The following GPT variants were observed in gnomAD, a reference collection of about 807,000 sequenced individuals.
The protein encoded by GPT is glutamic--pyruvic transaminase.
GPT carries 60 observed loss-of-function variants against 51.4 expected under a neutral mutation model. The observed-to-expected ratio is 1.17, with a 90% CI of 0.95 to 1.45. The LOEUF is 1.45. Among genes scored for constraint, GPT ranks in the 40% most tolerant of loss-of-function variants. GPT has a pLI of 0.00. For missense variants in GPT, 853 were observed against 704.0 expected (o/e 1.21, Z -2.40); for synonymous variants, 397 against 303.1 (o/e 1.31, Z -3.22).
Position 144,507,081 on chromosome 8 carries a change from G to C in GPT, c.*81G>C. 2.0e-6 allele frequency: 1 copy of C among 489,062 alleles called. No homozygotes were observed. The highest frequency in any genetic ancestry group is 3.9e-6 in the Non-Finnish European group (1 of 253,738). The allele number at this position is 489,062 out of a possible 1,614,324, so 30.3% of individuals were successfully genotyped here. ...GGAGGCTCTGGAGCCCACTGTACTT[G>C]CTCTTGATGCCTGGCGGGGTGGGGT... On this transcript the variant is annotated 3_prime_UTR_variant, in exon 11 of 11. Transcript: ENST00000394955.
At position 144,506,444 on chromosome 8, in the gene GPT, CAG is replaced by C. The variant is rs954142136; in HGVS notation, c.1131+39_1131+40del. 6.4e-6 allele frequency: 10 copies of C among 1,568,628 alleles called. No homozygotes were observed. In the African/African-American group the frequency reaches 9.4e-5, roughly 15 times the overall value. On this transcript the variant is annotated intron_variant, in intron 8 of 10. Coordinates refer to ENST00000394955, the MANE Select transcript of GPT (RefSeq NM_005309.3). This position sits in a 1 kb window ranked among gnomAD's most constrained non-coding sequence, Gnocchi z 7.0. Reference sequence around the variant, plus strand: ...CAGGAGGGGGTCCAGGTGACCTAATCAGGGGTGGGGGATGCCGAGTGCCGTGC... The same window carrying C: ...CAGGAGGGGGTCCAGGTGACCTAATCGGGTGGGGGATGCCGAGTGCCGTGC...
chr8:144,503,368 G>A (rs547296072), upstream of GPT, among the ~76,000 whole-genome samples: 3 of 152,258 alleles, frequency 2.0e-5, no homozygotes, highest in East Asian at 5.8e-4. Flanking sequence ...ATCCCAGCTC[G>A]TTTCCTACTC....
In GPT at chr8:144,505,384, C is replaced by G. The variant is rs781196445; in HGVS notation, c.634C>G (p.Arg212Gly). The G allele has an allele frequency of 3.1e-6, 5 of 1,592,524 alleles. No homozygotes were observed. The highest frequency in any genetic ancestry group is 3.4e-6 in the Non-Finnish European group (4 of 1,170,846). ...VQVDYYLDEE[R>G]AWALDVAELH... ...GGTGGATTACTACCTGGACGAGGAG[C>G]GTGCCTGGGCGCTGGACGTGGCCGA... The change falls in exon 5 of 11, where the codon CGT becomes GGT. Residue 212 changes from arginine to glycine, a missense_variant. By Grantham distance (125) the Arg-to-Gly change is moderately radical. Transcript: ENST00000394955.
In GPT at chr8:144,506,929, T is replaced by C. The variant is rs1166262258; in HGVS notation, c.1420T>C (p.Leu474=). 2 of 1,612,790 alleles carry C rather than the reference T, an allele frequency of 1.2e-6. No homozygotes were observed. Among genetic ancestry groups the C allele is most frequent in the Non-Finnish European group, 1.7e-6 (2 of 1,179,942 alleles). Residue 474 remains leucine (L), a synonymous_variant, in exon 11 of 11, where the codon TTG becomes CTG. Transcript: ENST00000394955. The surrounding 1 kb of genome is among the most constrained non-coding windows in gnomAD (Gnocchi z 7.0). The part of the protein sequence containing the change: ...YHFRMTILPP[L]EKLRLLLEKL... The stretch of plus-strand genomic sequence containing the variant: ...TTTCAGGATGACCATTCTGCCCCCC[T>C]TGGAGAAACTGCGGCTGCTGCTGGA...
upstream of GPT, chr8:144,503,753 G>A (rs140630174): frequency 3.8e-3 from 595 of 157,816 alleles, 2 homozygotes; most frequent in African/African-American, 0.013. Context: ...CGGGTGCCAC[G>A]AGGGCCAGGC....
At chr8:144,505,776 A>G (rs1440320794) in intron 5 of GPT, 72 bp from the exon 6 acceptor site, 2 of 1,296,590 alleles carry the variant, frequency 1.5e-6, no homozygotes, top group African/African-American at 3.1e-5. Flanking sequence ...GGTCCGCTGG[A>G]CCCCGGCTGC....
Position 144,506,915 on chromosome 8 carries a change from C to T in GPT, c.1406C>T (p.Thr469Ile). 6.2e-7 allele frequency: 1 copy of T among 1,612,832 alleles called. No homozygotes were observed. The highest frequency in any genetic ancestry group is 8.5e-7 in the Non-Finnish European group (1 of 1,179,840). ...TCACTGTCAACTCCTTTCAGGATGA[C>T]CATTCTGCCCCCCTTGGAGAAACTG... ...QREGTYHFRMTILPPLEKLRL... is the reference protein window; with the variant it reads ...QREGTYHFRMIILPPLEKLRL... Residue 469 changes from threonine (T) to isoleucine (I), a missense_variant, in exon 11 of 11, where the codon ACC (threonine) becomes ATC (isoleucine). By Grantham distance (89) the Thr-to-Ile change is moderately conservative. Transcript: ENST00000394955. The surrounding 1 kb of genome is among the most constrained non-coding windows in gnomAD (Gnocchi z 7.0).
At position 144,507,024 on chromosome 8, in the gene GPT, G is replaced by T. The variant is rs1012488287; in HGVS notation, c.*24G>T. The T allele has an allele frequency of 1.9e-6, 3 of 1,570,458 alleles. No individual in the cohort carries two copies. Among genetic ancestry groups the T allele is most frequent in the African/African-American group, 2.7e-5 (2 of 73,876 alleles). ...GAGCACCCCAGCTGGGGCCAGGCTG[G>T]GTCGCCCTGGACTGTGTGCTCAGGA... On this transcript the variant is annotated 3_prime_UTR_variant, in exon 11 of 11. Coordinates refer to ENST00000394955, the MANE Select transcript of GPT (RefSeq NM_005309.3).
chr8:144,506,944 C>A lies in GPT; in HGVS notation c.1435C>A (p.Leu479Met). 6.2e-7 allele frequency: 1 copy of A among 1,612,862 alleles called. No individual in the cohort carries two copies. Among genetic ancestry groups the A allele is most frequent in the Non-Finnish European group, 8.5e-7 (1 of 1,179,930 alleles). ...TILPPLEKLR[L>M]LLEKLSRFHA... Reference sequence around the variant, plus strand: ...TCTGCCCCCCTTGGAGAAACTGCGGCTGCTGCTGGAGAAGCTGAGCAGGTT... The same window carrying A: ...TCTGCCCCCCTTGGAGAAACTGCGGATGCTGCTGGAGAAGCTGAGCAGGTT... Residue 479 changes from leucine (L) to methionine (M), a missense_variant, in exon 11 of 11, where the codon CTG (leucine) becomes ATG (methionine). Physicochemically the swap from Leu to Met is conservative, Grantham distance 15 (BLOSUM62 2). Coordinates refer to ENST00000394955, the MANE Select transcript of GPT (RefSeq NM_005309.3). The surrounding 1 kb of genome is among the most constrained non-coding windows in gnomAD (Gnocchi z 7.0).
rs1564779231 is a variant in GPT, at chr8:144,506,762, G to T, written c.1319G>T (p.Cys440Phe). The T allele has an allele frequency of 6.2e-7, 1 of 1,612,278 alleles. No individual in the cohort carries two copies. Among genetic ancestry groups the T allele is most frequent in the East Asian group, 2.2e-5 (1 of 44,870 alleles). The stretch of plus-strand genomic sequence containing the variant: ...GGCCTGGCCCCCGATATGTTCTTCT[G>T]CCTGCGCCTCCTGGAGGAGACCGGC... ...ELGLAPDMFFCLRLLEETGIC... is the reference protein window; with the variant it reads ...ELGLAPDMFFFLRLLEETGIC... Residue 440 changes from cysteine to phenylalanine, a missense_variant, in exon 10 of 11, where the codon TGC becomes TTC. Physicochemically the swap from Cys to Phe is radical, Grantham distance 205 (BLOSUM62 -2). Transcript: ENST00000394955. This position sits in a 1 kb window ranked among gnomAD's most constrained non-coding sequence, Gnocchi z 7.0.
upstream of GPT, chr8:144,503,744 G>C (rs568801245): frequency 6.4e-6 from 1 of 157,270 alleles, no homozygotes; most frequent in Non-Finnish European, 1.4e-5. Context: ...GCAAAGATGC[G>C]GGTGCCACGA....
At position 144,507,029 on chromosome 8, in the gene GPT, C is replaced by CCCTGGACTGTG. The variant is rs1826848647; in HGVS notation, c.*30_*40dup. On this transcript the variant is annotated 3_prime_UTR_variant, in exon 11 of 11. Coordinates refer to ENST00000394955, the MANE Select transcript of GPT (RefSeq NM_005309.3). ...CCCCAGCTGGGGCCAGGCTGGGTCG[C>CCCTGGACTGTG]CCTGGACTGTGTGCTCAGGAGCCCT... is the stretch of plus-strand genomic sequence containing the variant. 2 of 1,538,100 alleles carry CCCTGGACTGTG rather than the reference C, an allele frequency of 1.3e-6. No homozygotes were observed. Among genetic ancestry groups the CCCTGGACTGTG allele is most frequent in the African/African-American group, 2.7e-5 (2 of 72,870 alleles).
Position 144,505,923 on chromosome 8 carries a change from A to T in GPT, c.815A>T (p.Asp272Val). The change falls in exon 6 of 11, where the codon GAC becomes GTC. Residue 272 changes from aspartate (D) to valine (V), a missense_variant. Transcript: ENST00000394955. The part of the protein sequence containing the change: ...AFEERLFLLA[D>V]EVYQDNVYAA... ...GAAGAGCGGCTCTTTCTGCTGGCGG[A>T]CGAGGTGCGCGGCGCGGGGGAGCGG... is the stretch of plus-strand genomic sequence containing the variant. The T allele has an allele frequency of 6.2e-7, 1 of 1,608,172 alleles. No homozygotes were observed. The highest frequency in any genetic ancestry group is 8.5e-7 in the Non-Finnish European group (1 of 1,178,104).
chr8:144,503,532 TCCAGCCCCCTCCC>T (rs956552943), upstream of GPT, among the ~76,000 whole-genome samples: 1 of 151,994 alleles, frequency 6.6e-6, no homozygotes, highest in Non-Finnish European at 1.5e-5. Flanking sequence ...ACTGCCTGGC[TCCAGCCCCCTCCC>T]CCAGCCCCTC....
Position 144,504,761 on chromosome 8 carries a change from G to A in GPT, c.253-10G>A, listed in dbSNP as rs370352430. On this transcript the variant is annotated splice_polypyrimidine_tract_variant and intron_variant, in intron 2 of 10. Transcript: ENST00000394955. ...CCATGTGCCCTGGCCTCAGCACTCC[G>A]TCTTCCCAGGTCTTGGCCCTCTGTG... The A allele has an allele frequency of 2.5e-5, 39 of 1,580,734 alleles. No homozygotes were observed. Among genetic ancestry groups the A allele is most frequent in the South Asian group, 9.9e-5 (9 of 90,524 alleles).
intron 1 of GPT, 46 bp from the exon 2 acceptor site, chr8:144,504,558 G>T: frequency 6.2e-7 from 1 of 1,608,960 alleles, no homozygotes. Flanking sequence ...AGGGCTGAGG[G>T]GTTAGGTAGG....
Position 144,506,016 on chromosome 8 carries a change from G to T in GPT, c.841G>T (p.Ala281Ser). Residue 281 changes from alanine to serine, a missense_variant, in exon 7 of 11, where the codon GCC becomes TCC. Transcript: ENST00000394955. This position sits in a 1 kb window ranked among gnomAD's most constrained non-coding sequence, Gnocchi z 7.0. The part of the protein sequence containing the change: ...ADEVYQDNVY[A>S]AGSQFHSFKK... ...CCAGGTGTACCAGGACAACGTGTAC[G>T]CCGCGGGTTCGCAGTTCCACTCATT... 6.2e-7 allele frequency: 1 copy of T among 1,612,394 alleles called. No individual in the cohort carries two copies. The highest frequency in any genetic ancestry group is 8.5e-7 in the Non-Finnish European group (1 of 1,179,686).
Position 144,507,013 on chromosome 8 carries a change from G to C in GPT, c.*13G>C. ...CGAGTACTCCTGAGCACCCCAGCTG[G>C]GGCCAGGCTGGGTCGCCCTGGACTG... On this transcript the variant is annotated 3_prime_UTR_variant, in exon 11 of 11. Transcript: ENST00000394955. 3.1e-6 allele frequency: 5 copies of C among 1,597,280 alleles called. No homozygotes were observed. The highest frequency in any genetic ancestry group is 4.3e-6 in the Non-Finnish European group (5 of 1,166,132).
Position 144,506,797 on chromosome 8 carries a change from G to C in GPT, c.1354G>C (p.Val452Leu), listed in dbSNP as rs147998249. The C allele has an allele frequency of 2.8e-3, 4,574 of 1,612,666 alleles. 30 individuals carry two copies. The highest frequency in any genetic ancestry group is 3.3e-3 in the Middle Eastern group (20 of 6,060). Residue 452 changes from valine (V) to leucine (L), a missense_variant, in exon 10 of 11, where the codon GTG (valine) becomes CTG (leucine). Val to Leu is a conservative substitution (Grantham distance 32). Transcript: ENST00000394955. This position sits in a 1 kb window ranked among gnomAD's most constrained non-coding sequence, Gnocchi z 7.0. ...RLLEETGICVVPGSGFGQREG... is the reference protein window; with the variant it reads ...RLLEETGICVLPGSGFGQREG... ...CCTGGAGGAGACCGGCATCTGCGTGGTGCCAGGGAGCGGCTTTGGGCAGCG... is the reference window on the plus strand; with the variant it reads ...CCTGGAGGAGACCGGCATCTGCGTGCTGCCAGGGAGCGGCTTTGGGCAGCG...
Sources: gnomAD v4.1 joint callset for allele counts (sites outside exome capture counted in the v4.1 genomes callset) on GRCh38, gnomAD v4.1.1 for gene constraint, Gnocchi (gnomAD v3.1) non-coding constraint, MANE v1.5 for transcripts, NCBI Gene and HGNC (gene_info 2026-07-23, HGNC 2026-07-21) for gene names.